The following TCTN3 variants were observed in gnomAD, a reference collection of about 807,000 sequenced individuals.
TCTN3 encodes the protein tectonic family member 3.
A neutral mutation model predicts 71.3 loss-of-function variants in TCTN3; 57 were observed. The observed-to-expected ratio is 0.80, with a 90% CI of 0.65 to 1.00. The LOEUF is 1.00. Among genes scored for constraint, TCTN3 ranks in the 50% least tolerant of loss-of-function variants. The pLI, the probability that TCTN3 is intolerant of heterozygous loss-of-function variation, is 0.00. For missense variants in TCTN3, 696 were observed against 719.9 expected, an observed-to-expected ratio of 0.97 and a Z score of 0.38; for synonymous variants, 258 against 267.8, an observed-to-expected ratio of 0.96 and a Z score of 0.36.
At chr10:95,687,774 A>G (rs1365837679) in intron 3 of TCTN3, 55 bp from the exon 4 acceptor site, 8 of 1,566,150 alleles carry the variant, frequency 5.1e-6, no homozygotes, top group Non-Finnish European at 5.2e-6. Context: ...CATGCCAAGT[A>G]ACTAATTTTA....
intron 3 of TCTN3, among the ~76,000 whole-genome samples, chr10:95,692,393 C>G (rs955690740): frequency 1.3e-5 from 2 of 152,048 alleles, no homozygotes; most frequent in African/African-American, 4.8e-5. Flanking sequence ...ATAGTCCCAG[C>G]TACTCGGGAA....
chr10:95,683,749 A>G (rs1024997456), intron 9 of TCTN3, 120 bp from the exon 10 acceptor site: 1 of 743,652 alleles, frequency 1.3e-6, no homozygotes, highest in Non-Finnish European at 2.1e-6. Flanking sequence ...GCTACACTGA[A>G]CAATCTGGCT....
intron 13 of TCTN3, among the ~76,000 whole-genome samples, chr10:95,673,773 G>A (rs989670897): frequency 4.6e-5 from 7 of 152,156 alleles, no homozygotes; most frequent in Admixed American, 6.5e-5. Context: ...CTAGGAATTC[G>A]AGGCTGCAGT....
intron 9 of TCTN3, among the ~76,000 whole-genome samples, chr10:95,684,282 G>C (rs1345672237): frequency 6.6e-6 from 1 of 152,202 alleles, no homozygotes; most frequent in Non-Finnish European, 1.5e-5. Context: ...TTGGGGGCCA[G>C]ACAGAGAATT....
chr10:95,672,557 C>T (rs2097932675), intron 13 of TCTN3, among the ~76,000 whole-genome samples: 1 of 151,974 alleles, frequency 6.6e-6, no homozygotes, highest in South Asian at 2.1e-4. Context: ...TTGTTTTAGC[C>T]ATTCTTGTGA....
chr10:95,693,882 G>T lies in TCTN3; in HGVS notation c.18C>A (p.Leu6=). The T allele has an allele frequency of 6.4e-7, 1 of 1,551,714 alleles. No individual in the cohort carries two copies. The highest frequency in any genetic ancestry group is 8.7e-7 in the Non-Finnish European group (1 of 1,146,994). The change falls in exon 1 of 14, where the codon CTC becomes CTA. Residue 6 remains leucine (L), a synonymous_variant. Coordinates refer to ENST00000371217, the MANE Select transcript of TCTN3 (RefSeq NM_015631.6). MRTPQ[L]ALLQVFFLVF... is the part of the protein sequence containing the mutation. The stretch of plus-strand genomic sequence containing the variant: ...CCAGAAAGAACACTTGCAGGAGCGC[G>T]AGCTGTGGGGTGCGCATGGGGCATT...
rs761679251 is a variant in TCTN3, at chr10:95,686,546, G to A, written c.853-16C>T. 12 of 1,613,656 alleles carry A rather than the reference G, an allele frequency of 7.4e-6. No individual in the cohort carries two copies. Among genetic ancestry groups the A allele is most frequent in the African/African-American group, 1.3e-5 (1 of 74,868 alleles). On this transcript the variant is annotated splice_polypyrimidine_tract_variant and intron_variant, in intron 6 of 13. Transcript: ENST00000371217. ...TTCTTGGAACCTAGGAGAACAGCAG[G>A]GACATGAATGTGCATATACCTTACC...
chr10:95,690,506 A>G (rs1274921568), intron 3 of TCTN3, among the ~76,000 whole-genome samples: 15 of 152,244 alleles, frequency 9.9e-5, no homozygotes, highest in Non-Finnish European at 1.2e-4. Flanking sequence ...AAATATAGGT[A>G]TTTCAAAATG....
At position 95,683,529 on chromosome 10, in the gene TCTN3, C is replaced by G; in HGVS notation, c.1196G>C (p.Ser399Thr). Residue 399 changes from serine (S) to threonine (T), a missense_variant, in exon 10 of 14, where the codon AGT becomes ACT. Physicochemically the swap from Ser to Thr is moderately conservative, Grantham distance 58. Coordinates refer to ENST00000371217, the MANE Select transcript of TCTN3 (RefSeq NM_015631.6). ...KPLLALTDDI[S>T]YSMTLLQSQG... ...CAGCTCTAAAAAGGATACTGAGTAA[C>G]TTATATCATCAGTCAGAGCCAAGAG... The G allele has an allele frequency of 1.2e-6, 2 of 1,614,188 alleles. No homozygotes were observed. The highest frequency in any genetic ancestry group is 4.5e-5 in the East Asian group (2 of 44,884).
intron 3 of TCTN3, among the ~76,000 whole-genome samples, chr10:95,689,361 C>T (rs2097951605): frequency 6.6e-6 from 1 of 152,190 alleles, no homozygotes; most frequent in Non-Finnish European, 1.5e-5. Flanking sequence ...GATGTTGATG[C>T]TGCTGTTCTG....
In TCTN3 at chr10:95,685,556, C is replaced by G. The variant is rs898617272; in HGVS notation, c.969G>C (p.Gln323His). 6.4e-7 allele frequency: 1 copy of G among 1,550,436 alleles called. No homozygotes were observed. The highest frequency in any genetic ancestry group is 1.4e-5 in the African/African-American group (1 of 73,016). The change falls in exon 8 of 14, where the codon CAG becomes CAC. Residue 323 changes from glutamine (Q) to histidine (H), a missense_variant and splice_region_variant. Coordinates refer to ENST00000371217, the MANE Select transcript of TCTN3 (RefSeq NM_015631.6). ...AGNTCQNVVS[Q>H]VTYEIETNGT... The stretch of plus-strand genomic sequence containing the variant: ...CAGAATCTGAGGTCAGTATCCCTAC[C>G]TGAGAAACTACATTCTGACAAGTGT...
intron 13 of TCTN3, among the ~76,000 whole-genome samples, chr10:95,666,824 C>T (rs192727670): frequency 2.6e-5 from 4 of 152,300 alleles, no homozygotes; most frequent in Admixed American, 2.6e-4. Context: ...CCCAAAGGAG[C>T]TGTGGTTGGA....
chr10:95,680,421 G>A (rs758509452), intron 13 of TCTN3, 51 bp downstream of exon 13: 2 of 1,538,802 alleles, frequency 1.3e-6, no homozygotes, highest in Non-Finnish European at 8.7e-7. Flanking sequence ...TGACTGATAA[G>A]ACAATCTAGG....
intron 13 of TCTN3, among the ~76,000 whole-genome samples, chr10:95,670,458 C>A (rs1344212948): frequency 2.6e-5 from 4 of 151,184 alleles, no homozygotes; most frequent in African/African-American, 4.9e-5. Flanking sequence ...TCTTCTGGCT[C>A]AGGTGATTCT....
intron 13 of TCTN3, among the ~76,000 whole-genome samples, chr10:95,671,256 T>C (rs966840679): frequency 2.6e-5 from 4 of 152,210 alleles, no homozygotes; most frequent in Admixed American, 1.3e-4. Context: ...CTGTTATGTA[T>C]GGTTGACTTA....
chr10:95,685,085 T>G (rs2097946976), intron 8 of TCTN3, among the ~76,000 whole-genome samples: 1 of 152,212 alleles, frequency 6.6e-6, no homozygotes, highest in Admixed American at 6.5e-5. Context: ...AATTCTTACT[T>G]TTTAAGGTTA....
intron 13 of TCTN3, among the ~76,000 whole-genome samples, chr10:95,677,474 G>GATTTTTTTTTTTT (rs2097938217): frequency 1.2e-5 from 1 of 80,738 alleles, no homozygotes; most frequent in Admixed American, 1.5e-4. Flanking sequence ...GAAGTCTACA[G>GATTTTTTTTTTTT]TTTTTTTTGT....
In TCTN3 at chr10:95,693,901, G is replaced by C. The variant is rs1381294877; in HGVS notation, c.-2C>G. The C allele has an allele frequency of 2.6e-6, 4 of 1,551,662 alleles. No individual in the cohort carries two copies. Among genetic ancestry groups the C allele is most frequent in the South Asian group, 2.4e-5 (2 of 84,062 alleles). On this transcript the variant is annotated 5_prime_UTR_variant, in exon 1 of 14. Coordinates refer to ENST00000371217, the MANE Select transcript of TCTN3 (RefSeq NM_015631.6). ...GAGCGCGAGCTGTGGGGTGCGCATG[G>C]GGCATTCAGGGCCTCCGGGTCCGAC... is the stretch of plus-strand genomic sequence containing the variant.
intron 13 of TCTN3, among the ~76,000 whole-genome samples, chr10:95,678,458 G>A (rs1391096783): frequency 6.7e-6 from 1 of 148,190 alleles, no homozygotes; most frequent in African/African-American, 2.5e-5. Flanking sequence ...ACTTGAACCT[G>A]GGAGGCGAAG....
Sources: allele counts gnomAD v4.1 joint callset (sites outside exome capture counted in the v4.1 genomes callset), GRCh38; gene constraint gnomAD v4.1.1; transcripts MANE v1.5; gene names NCBI Gene and HGNC (gene_info 2026-07-23, HGNC 2026-07-21).